Variants in C9 observed in about 807,000 individuals in gnomAD.
C9 encodes the protein complement C9.
A neutral mutation model predicts 65.4 loss-of-function variants in C9; 63 were observed. That is an observed-to-expected ratio of 0.96 (90% confidence interval 0.79 to 1.19). The LOEUF is 1.19. Ranked by LOEUF, C9 falls within the 50% of genes most tolerant of loss-of-function variation. The pLI, the probability that C9 is intolerant of heterozygous loss-of-function variation, is 0.00. For synonymous variants in C9, 229 were observed against 227.9 expected (o/e 1.00, Z -0.04); for missense variants, 744 against 670.1 (o/e 1.11, Z -1.22).
At chr5:39,335,255 T>C (rs2111940091) in intron 4 of C9, among the ~76,000 whole-genome samples, 2 of 152,350 alleles carry the variant, frequency 1.3e-5, no homozygotes, top group Admixed American at 1.3e-4. Context: ...GTGACTACTA[T>C]ATCTATGTGT....
At chr5:39,302,168 A>G (rs1487731889) in intron 9 of C9, among the ~76,000 whole-genome samples, 4 of 152,122 alleles carry the variant, frequency 2.6e-5, no homozygotes, top group Non-Finnish European at 5.9e-5. Context: ...AAAATTCCAC[A>G]GGAGGACAAA....
intron 9 of C9, among the ~76,000 whole-genome samples, chr5:39,298,984 C>A (rs1214044812): frequency 6.6e-6 from 1 of 151,746 alleles, no homozygotes; most frequent in Non-Finnish European, 1.5e-5. Context: ...GGACAAAATT[C>A]AACATCTATT....
At chr5:39,306,156 C>T in intron 9 of C9, among the ~76,000 whole-genome samples, 1 of 107,576 alleles carries the variant, frequency 9.3e-6, no homozygotes, top group East Asian at 2.9e-4. Context: ...CAGTGAGACT[C>T]TGTCTCAAAA....
At chr5:39,298,789 G>A (rs1486543750) in intron 9 of C9, among the ~76,000 whole-genome samples, 1 of 151,758 alleles carries the variant, frequency 6.6e-6, no homozygotes, top group Non-Finnish European at 1.5e-5. Context: ...ATAGTTAGGA[G>A]AAGAAAATTA....
intron 4 of C9, among the ~76,000 whole-genome samples, chr5:39,336,159 AT>A (rs1451737824): frequency 6.6e-6 from 1 of 152,010 alleles, no homozygotes; most frequent in Non-Finnish European, 1.5e-5. Context: ...CAGCATTGAT[AT>A]TTTTCTAACA....
chr5:39,304,544 C>G (rs1201203090), intron 9 of C9, among the ~76,000 whole-genome samples: 1 of 152,092 alleles, frequency 6.6e-6, no homozygotes, highest in Non-Finnish European at 1.5e-5. Context: ...TCAAATTTAA[C>G]TATATCTCAT....
chr5:39,345,720 A>T (rs1245814107), intron 1 of C9, among the ~76,000 whole-genome samples: 3 of 151,708 alleles, frequency 2.0e-5, no homozygotes, highest in Non-Finnish European at 4.4e-5. Context: ...CAGAATATAC[A>T]TTCTCAGCAC....
At chr5:39,361,801 AT>A (rs1754526187) in intron 1 of C9, among the ~76,000 whole-genome samples, 1 of 152,208 alleles carries the variant, frequency 6.6e-6, no homozygotes, top group South Asian at 2.1e-4. Flanking sequence ...TTGTAAAAAA[AT>A]AAAAGAAAAA....
At chr5:39,323,435 CT>C (rs1753696254) in intron 5 of C9, among the ~76,000 whole-genome samples, 1 of 148,820 alleles carries the variant, frequency 6.7e-6, no homozygotes, top group Non-Finnish European at 1.5e-5. Context: ...TATAAACAAA[CT>C]AAATTCAGAA....
chr5:39,321,282 G>A (rs895718640), intron 5 of C9, among the ~76,000 whole-genome samples: 1 of 151,970 alleles, frequency 6.6e-6, no homozygotes, highest in African/African-American at 2.4e-5. Context: ...ACAAAATGTG[G>A]GGAGGAAAAG....
In C9 at chr5:39,311,269, G is replaced by T. The variant is rs189914025; in HGVS notation, c.979C>A (p.Pro327Thr). The T allele has an allele frequency of 5.6e-6, 9 of 1,613,742 alleles. No individual in the cohort carries two copies. In the East Asian group the frequency reaches 2.0e-4, roughly 36 times the overall value. Reference sequence around the variant, plus strand: ...TATTCTCCCTTTTCATAGGTAGTTGGCAAAGCTTTTATATCATCCACAAAA... The same window carrying T: ...TATTCTCCCTTTTCATAGGTAGTTGTCAAAGCTTTTATATCATCCACAAAA... ...TTFVDDIKAL[P>T]TTYEKGEYFA... Residue 327 changes from proline (P) to threonine (T), a missense_variant, in exon 7 of 11, where the codon CCA becomes ACA. Coordinates refer to ENST00000263408, the MANE Select transcript of C9 (RefSeq NM_001737.5).
chr5:39,290,281 C>T (rs1479339790), intron 9 of C9, among the ~76,000 whole-genome samples: 1 of 151,782 alleles, frequency 6.6e-6, no homozygotes, highest in Non-Finnish European at 1.5e-5. Flanking sequence ...GATATCATAA[C>T]ATATACAGGG....
chr5:39,328,832 C>G (rs1045792469), intron 5 of C9, among the ~76,000 whole-genome samples: 1 of 152,080 alleles, frequency 6.6e-6, no homozygotes, highest in African/African-American at 2.4e-5. Flanking sequence ...AAGACAAAGC[C>G]AAGGGTTAGG....
intron 1 of C9, among the ~76,000 whole-genome samples, chr5:39,351,159 C>A (rs969414916): frequency 1.3e-5 from 2 of 152,190 alleles, no homozygotes; most frequent in Admixed American, 6.5e-5. Flanking sequence ...CCCTTTTAGG[C>A]ACAGTTGGAG....
At chr5:39,325,494 G>T (rs1466185390) in intron 5 of C9, among the ~76,000 whole-genome samples, 1 of 152,038 alleles carries the variant, frequency 6.6e-6, no homozygotes, top group South Asian at 2.1e-4. Flanking sequence ...TGCAATGATC[G>T]CCAGGCGCGG....
chr5:39,327,881 C>T (rs951852572), intron 5 of C9, among the ~76,000 whole-genome samples: 13 of 152,228 alleles, frequency 8.5e-5, no homozygotes, highest in African/African-American at 3.1e-4. Context: ...TTGAGATAGA[C>T]TTGAAGAGGG....
At chr5:39,324,436 T>C (rs1753716071) in intron 5 of C9, among the ~76,000 whole-genome samples, 1 of 152,172 alleles carries the variant, frequency 6.6e-6, no homozygotes, top group South Asian at 2.1e-4. Flanking sequence ...CACCTGCACT[T>C]GTATGTGAAA....
intron 1 of C9, among the ~76,000 whole-genome samples, chr5:39,344,744 A>G (rs1754157472): frequency 6.6e-6 from 1 of 152,246 alleles, no homozygotes; most frequent in Admixed American, 6.5e-5. Context: ...GCTGAAATGA[A>G]GGAAAAAATG....
chr5:39,306,488 G>T, intron 9 of C9, 129 bp downstream of exon 9: 1 of 770,854 alleles, frequency 1.3e-6, no homozygotes. Flanking sequence ...CCTCCTTTTG[G>T]GGAAGAAATG....
Sources: gnomAD v4.1 joint callset for allele counts (sites outside exome capture counted in the v4.1 genomes callset) on GRCh38, gnomAD v4.1.1 for gene constraint, MANE v1.5 for transcripts, NCBI Gene and HGNC (gene_info 2026-07-23, HGNC 2026-07-21) for gene names.